Variants in NTN4 observed in about 807,000 individuals in gnomAD.
NTN4 encodes the protein netrin 4, also known as netrin-4.
NTN4 carries 32 observed loss-of-function variants against 73.6 expected under a neutral mutation model. That is an observed-to-expected ratio of 0.44 (90% confidence interval 0.33 to 0.58). NTN4 has a LOEUF of 0.58. NTN4 is among the 20% of genes least tolerant of loss of function. The probability of loss-of-function intolerance (pLI) is 0.04; values close to 1 mark genes in which losing one functional copy is unlikely to be tolerated. For missense variants in NTN4, 654 were observed against 798.3 expected (o/e 0.82, Z 2.18); for synonymous variants, 258 against 287.5 (o/e 0.90, Z 1.04).
intron 9 of NTN4, among the ~76,000 whole-genome samples, chr12:95,663,030 G>A (rs1265937673): frequency 6.6e-6 from 1 of 152,098 alleles, no homozygotes; most frequent in Admixed American, 6.6e-5. Context: ...TGAGGCGGGA[G>A]GATTGCTTGA....
chr12:95,784,186 T>C (rs912384350), intron 2 of NTN4, among the ~76,000 whole-genome samples: 4 of 152,198 alleles, frequency 2.6e-5, no homozygotes, highest in South Asian at 2.1e-4. Context: ...AAGATGGAAA[T>C]TGGTGACATG....
rs1271527495 is a variant in NTN4 at position 95,787,938 on chromosome 12, A to AC, written c.56-471dup. On this transcript the variant is annotated intron_variant, in intron 1 of 9. Transcript: ENST00000343702. ...CTTTCAAATTTAATGTGAGTCCTTC[A>AC]CATGATTTAACATGTTTATTATGAG... 2.6e-5 allele frequency among the ~76,000 whole-genome samples: 4 copies of AC among 152,340 alleles called. No homozygotes were observed. The South Asian group carries it at 8.3e-4, about 32-fold the overall frequency.
At chr12:95,768,195 G>A (rs1391741759) in intron 2 of NTN4, among the ~76,000 whole-genome samples, 19 of 152,140 alleles carry the variant, frequency 1.2e-4, no homozygotes, top group African/African-American at 4.8e-5. Flanking sequence ...TAGGGAGCTT[G>A]CTAAAGAATG....
At chr12:95,695,850 A>T (rs2121035702) in intron 5 of NTN4, among the ~76,000 whole-genome samples, 1 of 152,292 alleles carries the variant, frequency 6.6e-6, no homozygotes, top group Non-Finnish European at 1.5e-5. Flanking sequence ...TGAAGAAAGC[A>T]CTTTTGCATA....
intron 5 of NTN4, among the ~76,000 whole-genome samples, chr12:95,700,814 C>CTTTTTTTTTTTTTTTT (rs71911993): frequency 9.3e-6 from 1 of 107,548 alleles, no homozygotes; most frequent in African/African-American, 3.5e-5. Flanking sequence ...TTCTTTCTTT[C>CTTTTTTTTTTTTTTTT]TTTTTTTTTT....
At chr12:95,683,912 G>A (rs978326456) in intron 5 of NTN4, among the ~76,000 whole-genome samples, 2 of 152,196 alleles carry the variant, frequency 1.3e-5, no homozygotes, top group African/African-American at 2.4e-5. Context: ...AAGCATGTCT[G>A]CTGCAAAAAT....
At chr12:95,698,925 A>C (rs1290818659) in intron 5 of NTN4, among the ~76,000 whole-genome samples, 1 of 151,928 alleles carries the variant, frequency 6.6e-6, no homozygotes, top group African/African-American at 2.4e-5. Flanking sequence ...TGTGTTATTT[A>C]ATCTTTTTAA....
At chr12:95,713,865 G>A (rs544305163) in intron 3 of NTN4, among the ~76,000 whole-genome samples, 2 of 151,946 alleles carry the variant, frequency 1.3e-5, no homozygotes, top group Non-Finnish European at 1.5e-5. Context: ...CACCCCGTAT[G>A]ATGTACAATT....
intron 2 of NTN4, among the ~76,000 whole-genome samples, chr12:95,751,941 T>TGA (rs767465166): frequency 9.6e-5 from 14 of 145,316 alleles, no homozygotes; most frequent in Non-Finnish European, 1.5e-4. Flanking sequence ...CTTATTAGGC[T>TGA]GACGCTTTAA....
chr12:95,670,884 C>T (rs2120943084), intron 7 of NTN4: 1 of 152,240 alleles, frequency 6.6e-6, no homozygotes, highest in East Asian at 1.9e-4. Context: ...TATATTGCCA[C>T]TATTACATGT....
chr12:95,751,488 C>T (rs957317071), intron 2 of NTN4, among the ~76,000 whole-genome samples: 10 of 151,756 alleles, frequency 6.6e-5, no homozygotes, highest in Non-Finnish European at 1.3e-4. Flanking sequence ...AAGGAATGCC[C>T]GCAGCCCGGG....
intron 5 of NTN4, among the ~76,000 whole-genome samples, chr12:95,696,850 G>T (rs1425944902): frequency 6.6e-6 from 1 of 152,080 alleles, no homozygotes; most frequent in Non-Finnish European, 1.5e-5. Context: ...GCTTCAGTCA[G>T]TCCAGCTTTA....
intron 7 of NTN4, among the ~76,000 whole-genome samples, chr12:95,676,484 G>C (rs1259892370): frequency 1.3e-5 from 2 of 152,042 alleles, no homozygotes; most frequent in Non-Finnish European, 2.9e-5. Flanking sequence ...ATGGATTAAA[G>C]CGAAATTCTT....
At chr12:95,717,480 T>C (rs1270480041) in intron 3 of NTN4, among the ~76,000 whole-genome samples, 2 of 152,116 alleles carry the variant, frequency 1.3e-5, no homozygotes, top group Non-Finnish European at 2.9e-5. Context: ...CAAATTTTTC[T>C]GCATACAGAA....
chr12:95,781,286 A>G lies in NTN4; in HGVS notation c.585+5653T>C, dbSNP rs1565918754. Among the ~76,000 whole-genome samples the G allele has an allele frequency of 1.3e-5, 2 of 152,126 alleles. No homozygotes were observed. Among genetic ancestry groups the G allele is most frequent in the Non-Finnish European group, 2.9e-5 (2 of 68,014 alleles). The stretch of plus-strand genomic sequence containing the variant: ...CCTGCACGTTGTGCACATGTACCCT[A>G]GAACTTAAAGTATAATAAAAAAATT... On this transcript the variant is annotated intron_variant, in intron 2 of 9. Coordinates refer to ENST00000343702, the MANE Select transcript of NTN4 (RefSeq NM_021229.4). This position sits in a 1 kb window ranked among gnomAD's most constrained non-coding sequence, Gnocchi z 4.1.
At chr12:95,675,741 C>T (rs1345539) in intron 7 of NTN4, among the ~76,000 whole-genome samples, 136,217 of 152,246 alleles carry the variant, frequency 0.89, 61,183 homozygotes, top group East Asian at 1. Flanking sequence ...CTTTGGGGTC[C>T]GCTTTCAGAA....
chr12:95,723,486 C>T (rs1480167302), intron 3 of NTN4, among the ~76,000 whole-genome samples: 1 of 152,012 alleles, frequency 6.6e-6, no homozygotes. Flanking sequence ...TTCATATTGA[C>T]TTGTTTTGCA....
chr12:95,683,056 G>GGTTTT (rs59041521), intron 6 of NTN4, among the ~76,000 whole-genome samples: 67,323 of 151,184 alleles, frequency 0.45, 15,295 homozygotes, highest in East Asian at 0.64. Context: ...AAAAATTATT[G>GGTTTT]GTTTTGTTTT....
chr12:95,738,436 G>A lies in NTN4; in HGVS notation c.586-292C>T, dbSNP rs547502907. Among the ~76,000 whole-genome samples the A allele has an allele frequency of 2.0e-5, 3 of 152,288 alleles. No individual in the cohort carries two copies. The South Asian group carries it at 6.2e-4, about 32-fold the overall frequency. Reference sequence around the variant, plus strand: ...TGCCAGGAAGAGCATTCTGGGCGAGGGAAGAGCAAGCTTAAAGGCTTTGAG... The same window carrying A: ...TGCCAGGAAGAGCATTCTGGGCGAGAGAAGAGCAAGCTTAAAGGCTTTGAG... On this transcript the variant is annotated intron_variant, in intron 2 of 9. Coordinates refer to ENST00000343702, the MANE Select transcript of NTN4 (RefSeq NM_021229.4).
Sources: gnomAD v4.1 joint callset for allele counts (sites outside exome capture counted in the v4.1 genomes callset) on GRCh38, gnomAD v4.1.1 for gene constraint, Gnocchi (gnomAD v3.1) non-coding constraint, MANE v1.5 for transcripts, NCBI Gene and HGNC (gene_info 2026-07-23, HGNC 2026-07-21) for gene names.